The following SLCO2B1 variants were observed in gnomAD, a reference collection of about 807,000 sequenced individuals.
SLCO2B1 encodes solute carrier organic anion transporter family member 2B1.
SLCO2B1 carries 41 observed loss-of-function variants against 67.3 expected under a neutral mutation model. The observed-to-expected ratio is 0.61, with a 90% CI of 0.47 to 0.79. The LOEUF is 0.79. Ranked by LOEUF, SLCO2B1 falls within the 30% of genes least tolerant of loss-of-function variation. SLCO2B1 has a pLI of 0.00. For missense variants in SLCO2B1, 837 were observed against 920.1 expected (o/e 0.91, Z 1.17); for synonymous variants, 379 against 381.4 (o/e 0.99, Z 0.07).
chr11:75,202,068 C>CG (rs1379567832), intron 11 of SLCO2B1: 3 of 152,138 alleles, frequency 2.0e-5, no homozygotes, highest in Non-Finnish European at 4.4e-5. Context: ...GAGTGTATGC[C>CG]GGGAAGACCA....
At chr11:75,194,570 A>G (rs1374725562) in intron 9 of SLCO2B1, among the ~76,000 whole-genome samples, 2 of 123,810 alleles carry the variant, frequency 1.6e-5, no homozygotes, top group Admixed American at 9.0e-5. Flanking sequence ...TCCCCCTTTC[A>G]TTCTCTGCCC....
At chr11:75,192,165 A>C (rs772598200) in intron 8 of SLCO2B1, among the ~76,000 whole-genome samples, 4 of 152,072 alleles carry the variant, frequency 2.6e-5, no homozygotes, top group Non-Finnish European at 1.5e-5. Flanking sequence ...AGCACCAAGC[A>C]GACTCAGATT....
chr11:75,169,770 C>A lies in SLCO2B1; in HGVS notation c.781+6C>A. On this transcript the variant is annotated splice_donor_region_variant and intron_variant, in intron 6 of 13. Transcript: ENST00000289575. ...CATTAACCAGATGCCAGAAGGTGAG[C>A]CTCAGGAGCACATGTTTGCTAGACC... The A allele has an allele frequency of 6.2e-7, 1 of 1,611,696 alleles. No individual in the cohort carries two copies. Among genetic ancestry groups the A allele is most frequent in the Non-Finnish European group, 8.5e-7 (1 of 1,177,844 alleles).
chr11:75,165,819 C>A lies in SLCO2B1; in HGVS notation c.318C>A (p.Ser106Arg). Residue 106 changes from serine to arginine, a missense_variant, in exon 4 of 14, where the codon AGC becomes AGA. Physicochemically the swap from Ser to Arg is moderately radical, Grantham distance 110. Transcript: ENST00000289575. Reference protein sequence around the residue: ...VGNTALIVFVSYFGSRVHRPR... With the variant: ...VGNTALIVFVRYFGSRVHRPR... ...ACACAGCCTTGATTGTGTTTGTGAG[C>A]TATTTTGGCAGCCGGGTGCACCGAC... 6.2e-7 allele frequency: 1 copy of A among 1,614,194 alleles called. No individual in the cohort carries two copies. Among genetic ancestry groups the A allele is most frequent in the Non-Finnish European group, 8.5e-7 (1 of 1,180,018 alleles).
intron 7 of SLCO2B1, 68 bp downstream of exon 7, chr11:75,172,637 C>T (rs1056751179): frequency 7.1e-7 from 1 of 1,412,370 alleles, no homozygotes; most frequent in African/African-American, 1.4e-5. Context: ...TCCTTTGTAA[C>T]ATTACACTTC....
In SLCO2B1 at chr11:75,172,550, C is replaced by T. The variant is rs199654337; in HGVS notation, c.953C>T (p.Thr318Ile). The change falls in exon 7 of 14, where the codon ACA becomes ATA. Residue 318 changes from threonine (T) to isoleucine (I), a missense_variant. Thr to Ile is a moderately conservative substitution (Grantham distance 89). Coordinates refer to ENST00000289575, the MANE Select transcript of SLCO2B1 (RefSeq NM_007256.5). The stretch of plus-strand genomic sequence containing the variant: ...TTTCGGCGAAAGGTCTTAGCAGTCA[C>T]AGACTCACCTGCCAGGAAGGTAAGC... ...LQFRRKVLAV[T>I]DSPARKGKDS... The T allele has an allele frequency of 1.5e-5, 25 of 1,613,828 alleles. No individual in the cohort carries two copies. Among genetic ancestry groups the T allele is most frequent in the Non-Finnish European group, 2.0e-5 (24 of 1,179,872 alleles).
intron 1 of SLCO2B1, among the ~76,000 whole-genome samples, chr11:75,159,189 AC>A (rs1287412535): frequency 6.6e-6 from 1 of 152,236 alleles, no homozygotes. Context: ...GCAGGTGGAC[AC>A]GATGTGCCTG....
intron 1 of SLCO2B1, among the ~76,000 whole-genome samples, chr11:75,158,022 C>A (rs536879272): frequency 5.9e-5 from 9 of 152,120 alleles, no homozygotes; most frequent in African/African-American, 2.2e-4. Flanking sequence ...AATGGGAAAA[C>A]GTGTGTATTC....
intron 1 of SLCO2B1, among the ~76,000 whole-genome samples, chr11:75,161,773 A>G (rs1029285199): frequency 2.0e-5 from 3 of 152,098 alleles, no homozygotes; most frequent in African/African-American, 7.2e-5. Context: ...GTCTAAATAG[A>G]GGGGTGGAGT....
intron 1 of SLCO2B1, among the ~76,000 whole-genome samples, chr11:75,158,029 A>G (rs1366697819): frequency 6.6e-6 from 1 of 152,160 alleles, no homozygotes; most frequent in Non-Finnish European, 1.5e-5. Context: ...AAACGTGTGT[A>G]TTCTTAAACT....
intron 8 of SLCO2B1, among the ~76,000 whole-genome samples, chr11:75,190,254 C>G (rs1248308962): frequency 6.6e-6 from 1 of 152,218 alleles, no homozygotes; most frequent in African/African-American, 2.4e-5. Context: ...GTTTCAGCTT[C>G]TACATGAGCC....
At chr11:75,167,529 T>G (rs746927228) in intron 4 of SLCO2B1, among the ~76,000 whole-genome samples, 3 of 152,144 alleles carry the variant, frequency 2.0e-5, no homozygotes, top group Non-Finnish European at 4.4e-5. Flanking sequence ...CTGTTCTGAC[T>G]CTCCAGGCTA....
chr11:75,203,030 C>A, intron 12 of SLCO2B1, 65 bp downstream of exon 12: 1 of 1,421,260 alleles, frequency 7.0e-7, no homozygotes, highest in Non-Finnish European at 1.0e-6. Flanking sequence ...GTGTGCCAGG[C>A]CTGGGGCACA....
chr11:75,185,906 A>C (rs1944922551), intron 7 of SLCO2B1, among the ~76,000 whole-genome samples: 1 of 152,180 alleles, frequency 6.6e-6, no homozygotes, highest in South Asian at 2.1e-4. Context: ...TTATATTTAA[A>C]GCAAAATTAG....
At chr11:75,183,117 T>C (rs1950108595) in intron 7 of SLCO2B1, among the ~76,000 whole-genome samples, 1 of 151,560 alleles carries the variant, frequency 6.6e-6, no homozygotes, top group East Asian at 2.0e-4. Context: ...TAATTCTAAT[T>C]TTTTTTGTCC....
rs199857166 is a variant in SLCO2B1, at chr11:75,203,382, G to T, written c.1904G>T (p.Arg635Leu). 3.1e-6 allele frequency: 5 copies of T among 1,614,196 alleles called. No homozygotes were observed. The highest frequency in any genetic ancestry group is 2.2e-5 in the East Asian group (1 of 44,878). ...GTGCACTGGGCCCTGAGCTGTGGGC[G>T]TCGAGCTGTCTGTCGCTACTACAAT... is the stretch of plus-strand genomic sequence containing the variant. Reference protein sequence around the residue: ...TCVHWALSCGRRAVCRYYNND... With the variant: ...TCVHWALSCGLRAVCRYYNND... The change falls in exon 13 of 14, where the codon CGT becomes CTT. Residue 635 changes from arginine (R) to leucine (L), a missense_variant. Physicochemically the swap from Arg to Leu is moderately radical, Grantham distance 102 (BLOSUM62 -2). Coordinates refer to ENST00000289575, the MANE Select transcript of SLCO2B1 (RefSeq NM_007256.5).
At chr11:75,203,717 G>T in intron 13 of SLCO2B1, 1 of 363,006 alleles carries the variant, frequency 2.8e-6, no homozygotes, top group Non-Finnish European at 5.1e-6. Context: ...GAGAAACAGA[G>T]GAGCAGCCAT....
Position 75,204,449 on chromosome 11 carries a change from G to C in SLCO2B1, c.1999G>C (p.Ala667Pro). ...CAAAACAGGTTCTGTGATCTGCTTC[G>C]CCTTAGTTTTGGCTGTCCTGAGGCA... ...FFKTGSVICF[A>P]LVLAVLRQQD... The change falls in exon 14 of 14, where the codon GCC (alanine) becomes CCC (proline). Residue 667 changes from alanine (A) to proline (P), a missense_variant. By Grantham distance (27) the Ala-to-Pro change is conservative. Transcript: ENST00000289575. 6.2e-7 allele frequency: 1 copy of C among 1,612,766 alleles called. No individual in the cohort carries two copies. Among genetic ancestry groups the C allele is most frequent in the South Asian group, 1.1e-5 (1 of 90,744 alleles).
intron 8 of SLCO2B1, among the ~76,000 whole-genome samples, chr11:75,188,934 C>T (rs568998693): frequency 6.6e-6 from 1 of 152,316 alleles, no homozygotes; most frequent in African/African-American, 2.4e-5. Context: ...CTCCCACCCA[C>T]TGCTGAGCCT....
Sources: allele counts gnomAD v4.1 joint callset (sites outside exome capture counted in the v4.1 genomes callset), GRCh38; gene constraint gnomAD v4.1.1; transcripts MANE v1.5; gene names NCBI Gene and HGNC (gene_info 2026-07-23, HGNC 2026-07-21).